CNTNAP5: variants seen among roughly 807,000 people sequenced by gnomAD.
CNTNAP5 encodes contactin-associated protein-like 5.
A neutral mutation model predicts 150.2 loss-of-function variants in CNTNAP5; 72 were observed. That is an observed-to-expected ratio of 0.48 (90% CI 0.40 to 0.58). The LOEUF (loss-of-function observed/expected upper bound fraction) is 0.58, where lower values mean the gene tolerates loss of function less well. CNTNAP5 is among the 20% of genes least tolerant of loss of function. The pLI, the probability that CNTNAP5 is intolerant of heterozygous loss-of-function variation, is 0.00. For synonymous variants in CNTNAP5, 672 were observed against 619.8 expected (o/e 1.08, Z -1.25); for missense variants, 1,636 against 1,626.2 (o/e 1.01, Z -0.10).
chr2:124,469,858 G>A (rs1558916510), intron 6 of CNTNAP5, among the ~76,000 whole-genome samples: 2 of 152,104 alleles, frequency 1.3e-5, no homozygotes, highest in Admixed American at 1.3e-4. Flanking sequence ...AGTTTGATGA[G>A]GATAATGGCC....
At chr2:124,242,552 A>G in intron 3 of CNTNAP5, 159 bp downstream of exon 3, 1 of 670,204 alleles carries the variant, frequency 1.5e-6, no homozygotes, top group Admixed American at 2.9e-5. Flanking sequence ...CATGCCCGGC[A>G]TGGTTCTACT....
intron 4 of CNTNAP5, among the ~76,000 whole-genome samples, chr2:124,419,152 A>AAAAAAAAAAACAAAAAAC (rs1553466540): frequency 1.7e-5 from 2 of 121,026 alleles, no homozygotes; most frequent in Non-Finnish European, 3.6e-5. Context: ...AAAAAAAAAA[A>AAAAAAAAAAACAAAAAAC]AAAAAAAAAA....
rs1216428067 is a variant in CNTNAP5 at position 124,606,081 on chromosome 2, T to C, written c.1757-3720T>C. Among the ~76,000 whole-genome samples, 98 of 152,232 alleles carry C rather than the reference T, an allele frequency of 6.4e-4. 2 individuals carry two copies. Among genetic ancestry groups the C allele is most frequent in the Non-Finnish European group, 1.0e-4 (7 of 68,012 alleles). On this transcript the variant is annotated intron_variant, in intron 11 of 23. Transcript: ENST00000682447. Reference sequence around the variant, plus strand: ...TTTGGAGTTAAATTAGCAATTTATATGTAGAAAACTAGGCAAATGAGAAAA... The same window carrying C: ...TTTGGAGTTAAATTAGCAATTTATACGTAGAAAACTAGGCAAATGAGAAAA...
At chr2:124,167,603 T>C (rs932313610) in intron 1 of CNTNAP5, among the ~76,000 whole-genome samples, 1 of 152,124 alleles carries the variant, frequency 6.6e-6, no homozygotes, top group Non-Finnish European at 1.5e-5. Context: ...TGAAAATAAT[T>C]GTGGGGCAAT....
chr2:124,684,116 A>G (rs17011859), intron 13 of CNTNAP5, among the ~76,000 whole-genome samples: 4,304 of 152,302 alleles, frequency 0.028, 63 homozygotes, highest in Middle Eastern at 0.037. Context: ...GTCAGAGTTT[A>G]GAATCTGAGT....
intron 5 of CNTNAP5, among the ~76,000 whole-genome samples, chr2:124,442,945 T>C (rs1692711617): frequency 6.6e-6 from 1 of 152,154 alleles, no homozygotes; most frequent in Non-Finnish European, 1.5e-5. Context: ...CTAGACCGTA[T>C]GTTGTTGGCA....
chr2:124,238,723 T>TTGTA (rs1686811428), intron 2 of CNTNAP5, among the ~76,000 whole-genome samples: 1 of 152,152 alleles, frequency 6.6e-6, no homozygotes, highest in African/African-American at 2.4e-5. Context: ...ATGCACTTAT[T>TTGTA]TGTATGTATG....
At chr2:124,643,048 T>C (rs2105022278) in intron 12 of CNTNAP5, among the ~76,000 whole-genome samples, 1 of 152,324 alleles carries the variant, frequency 6.6e-6, no homozygotes, top group Non-Finnish European at 1.5e-5. Flanking sequence ...TTGACACTCA[T>C]GCCAACCCAC....
At chr2:124,759,391 T>TTA (rs200657833) in intron 14 of CNTNAP5, among the ~76,000 whole-genome samples, 15 of 146,602 alleles carry the variant, frequency 1.0e-4, no homozygotes, top group South Asian at 6.3e-4. Context: ...TATATATAAA[T>TTA]TATATATATA....
intron 13 of CNTNAP5, among the ~76,000 whole-genome samples, chr2:124,652,907 T>C (rs543083180): frequency 1.3e-5 from 2 of 152,326 alleles, no homozygotes; most frequent in African/African-American, 4.8e-5. Context: ...AAGTCAATAT[T>C]GAAACACGTG....
chr2:124,069,104 G>A (rs1475961233), intron 1 of CNTNAP5, among the ~76,000 whole-genome samples: 1 of 152,070 alleles, frequency 6.6e-6, no homozygotes, highest in Non-Finnish European at 1.5e-5. Context: ...CCAGAGGGGA[G>A]CCCATTGCCA....
chr2:124,027,017 T>G (rs1230665643), intron 1 of CNTNAP5, among the ~76,000 whole-genome samples: 1 of 152,224 alleles, frequency 6.6e-6, no homozygotes, highest in African/African-American at 2.4e-5. Context: ...CATCTATAGT[T>G]AGTCATAATG....
At chr2:124,479,190 A>T (rs1693710533) in intron 7 of CNTNAP5, among the ~76,000 whole-genome samples, 2 of 152,236 alleles carry the variant, frequency 1.3e-5, no homozygotes, top group Non-Finnish European at 2.9e-5. Context: ...CAGAAAGCAA[A>T]TGGCCCATTG....
chr2:124,408,868 G>A (rs572809122), intron 3 of CNTNAP5, among the ~76,000 whole-genome samples: 105 of 152,272 alleles, frequency 6.9e-4, no homozygotes, highest in South Asian at 1.2e-3. Context: ...CACCAGCAAC[G>A]GAACAAAGCT....
At chr2:124,673,898 T>C (rs1446181132) in intron 13 of CNTNAP5, among the ~76,000 whole-genome samples, 1 of 152,110 alleles carries the variant, frequency 6.6e-6, no homozygotes, top group East Asian at 1.9e-4. Context: ...CTCACAAAAA[T>C]GTATAATTTA....
Position 124,324,019 on chromosome 2 carries a change from C to T in CNTNAP5, c.381+81626C>T, listed in dbSNP as rs115810036. Reference sequence around the variant, plus strand: ...AATTTGGGAAAAGTAGAGAGCATTACGAAAAAAAGAGCCAAAAATACATTC... The same window carrying T: ...AATTTGGGAAAAGTAGAGAGCATTATGAAAAAAAGAGCCAAAAATACATTC... On this transcript the variant is annotated intron_variant, in intron 3 of 23. Transcript: ENST00000682447. Among the ~76,000 whole-genome samples the T allele has an allele frequency of 1.5e-3, 227 of 151,650 alleles. 1 individual carries two copies. The highest frequency in any genetic ancestry group is 4.7e-3 in the African/African-American group (196 of 41,380).
intron 6 of CNTNAP5, among the ~76,000 whole-genome samples, chr2:124,451,896 C>T (rs1235435226): frequency 6.6e-6 from 1 of 152,094 alleles, no homozygotes; most frequent in East Asian, 1.9e-4. Flanking sequence ...GGAGGAAAAT[C>T]CCTGTGGGCT....
chr2:124,694,633 A>T (rs1236409982), intron 13 of CNTNAP5, among the ~76,000 whole-genome samples: 1 of 152,186 alleles, frequency 6.6e-6, no homozygotes, highest in Non-Finnish European at 1.5e-5. Context: ...AAAAAATGTG[A>T]ATGTGTCTAG....
intron 11 of CNTNAP5, among the ~76,000 whole-genome samples, chr2:124,577,794 C>G (rs1696321381): frequency 6.6e-6 from 1 of 152,124 alleles, no homozygotes; most frequent in Non-Finnish European, 1.5e-5. Flanking sequence ...TACATGGGAT[C>G]TGCACAGACA....
Sources: allele counts gnomAD v4.1 joint callset (sites outside exome capture counted in the v4.1 genomes callset), GRCh38; gene constraint gnomAD v4.1.1; transcripts MANE v1.5; gene names NCBI Gene and HGNC (gene_info 2026-07-23, HGNC 2026-07-21).